RSPO2: variants seen among roughly 807,000 people sequenced by gnomAD.
RSPO2 encodes R-spondin-2.
Under a neutral mutation model 30.9 loss-of-function variants are expected in RSPO2, and 14 were observed. That is an observed-to-expected ratio of 0.45 (90% confidence interval 0.30 to 0.71). The LOEUF is 0.71. Ranked by LOEUF, RSPO2 falls within the 30% of genes least tolerant of loss-of-function variation. The probability of loss-of-function intolerance (pLI) is 0.08; values close to 1 mark genes in which losing one functional copy is unlikely to be tolerated. For synonymous variants in RSPO2, 107 were observed against 96.4 expected (o/e 1.11, Z -0.64); for missense variants, 264 against 301.9 (o/e 0.87, Z 0.93).
At chr8:108,043,741 G>A (rs1049789717) in intron 2 of RSPO2, among the ~76,000 whole-genome samples, 1 of 152,080 alleles carries the variant, frequency 6.6e-6, no homozygotes, top group Non-Finnish European at 1.5e-5. Context: ...CAGGCAAGAA[G>A]CAAAGGAATG....
chr8:108,017,111 G>A (rs1200401871), intron 2 of RSPO2, among the ~76,000 whole-genome samples: 1 of 151,568 alleles, frequency 6.6e-6, no homozygotes, highest in Non-Finnish European at 1.5e-5. Flanking sequence ...CCGCCTCCCA[G>A]GTTCACACCA....
intron 5 of RSPO2, among the ~76,000 whole-genome samples, chr8:107,909,206 G>A (rs1204417608): frequency 1.3e-5 from 2 of 151,410 alleles, no homozygotes; most frequent in African/African-American, 4.8e-5. Context: ...ATTAGAAGGG[G>A]AAACCTGTGC....
intron 2 of RSPO2, among the ~76,000 whole-genome samples, chr8:108,010,899 T>G (rs181063371): frequency 6.6e-6 from 1 of 151,832 alleles, no homozygotes; most frequent in East Asian, 1.9e-4. Flanking sequence ...AAGACCAAGA[T>G]AGAAACTAAT....
At chr8:108,027,942 A>T (rs1811277118) in intron 2 of RSPO2, among the ~76,000 whole-genome samples, 1 of 151,968 alleles carries the variant, frequency 6.6e-6, no homozygotes, top group Admixed American at 6.6e-5. Flanking sequence ...CAGCCTAGTG[A>T]CTCACCTCAG....
intron 5 of RSPO2, among the ~76,000 whole-genome samples, chr8:107,909,433 T>C (rs960728498): frequency 1.3e-5 from 2 of 152,068 alleles, no homozygotes; most frequent in African/African-American, 2.4e-5. Context: ...TGGATACTTT[T>C]TGTATTTTTA....
chr8:108,010,910 T>A lies in RSPO2; in HGVS notation c.95-21666A>T, dbSNP rs1002115504. On this transcript the variant is annotated intron_variant, in intron 2 of 5. Coordinates refer to ENST00000276659, the MANE Select transcript of RSPO2 (RefSeq NM_178565.5). ...AAGAAAGACCAAGATAGAAACTAAT[T>A]CAAGTGTAGAATGTAAAGTGCCAGC... Among the ~76,000 whole-genome samples, 3 of 151,628 alleles carry A rather than the reference T, an allele frequency of 2.0e-5. No homozygotes were observed. In the East Asian group the frequency reaches 5.8e-4, roughly 29 times the overall value.
chr8:108,021,427 T>C (rs986622175), intron 2 of RSPO2, among the ~76,000 whole-genome samples: 2 of 152,190 alleles, frequency 1.3e-5, no homozygotes, highest in African/African-American at 4.8e-5. Context: ...TTTAGTATAG[T>C]AGTCCTTCCT....
rs918935388 is a variant in RSPO2 at position 108,083,417 on chromosome 8, C to T, written c.-390G>A. ...GCCACTGGGATGCTCCGTCCCCGCC[C>T]GCGAGCGCGGTCCCCAGGCAAGGGG... On this transcript the variant is annotated 5_prime_UTR_variant, in exon 1 of 6. Transcript: ENST00000276659. The T allele has an allele frequency of 6.6e-6, 1 of 152,270 alleles. No homozygotes were observed. The highest frequency in any genetic ancestry group is 1.5e-5 in the Non-Finnish European group (1 of 68,078). The allele number at this position is 152,270 out of a possible 1,614,324, so 9.4% of individuals were successfully genotyped here. A position where few individuals can be genotyped will look rare whatever the true frequency, so the allele number is the denominator to read the frequency against.
chr8:108,050,946 G>A (rs1812061931), intron 2 of RSPO2, among the ~76,000 whole-genome samples: 1 of 152,104 alleles, frequency 6.6e-6, no homozygotes, highest in South Asian at 2.1e-4. Flanking sequence ...TTTCTTCCTA[G>A]GAGATTAATT....
At position 108,049,074 on chromosome 8, in the gene RSPO2, G is replaced by T. The variant is rs374074854; in HGVS notation, c.94+33471C>A. 3.9e-5 allele frequency among the ~76,000 whole-genome samples: 6 copies of T among 151,938 alleles called. No homozygotes were observed. In the East Asian group the frequency reaches 5.9e-4, roughly 15 times the overall value. On this transcript the variant is annotated intron_variant, in intron 2 of 5. Coordinates refer to ENST00000276659, the MANE Select transcript of RSPO2 (RefSeq NM_178565.5). ...TCTGTTCTTTTACATTTGCTGAGAA[G>T]TACTTTACTTCTGAGGCCTGTCGGA...
intron 3 of RSPO2, among the ~76,000 whole-genome samples, chr8:107,980,065 T>C (rs530259453): frequency 6.6e-6 from 1 of 152,298 alleles, no homozygotes; most frequent in African/African-American, 2.4e-5. Context: ...ACCCTCTTAC[T>C]CTTACTCACC....
At chr8:108,041,719 C>A (rs1811763069) in intron 2 of RSPO2, among the ~76,000 whole-genome samples, 1 of 151,942 alleles carries the variant, frequency 6.6e-6, no homozygotes, top group African/African-American at 2.4e-5. Flanking sequence ...TACAGAAAAC[C>A]ATTTGGAAGA....
At chr8:108,060,664 A>G (rs1007527528) in intron 2 of RSPO2, among the ~76,000 whole-genome samples, 2 of 151,802 alleles carry the variant, frequency 1.3e-5, no homozygotes, top group East Asian at 1.9e-4. Flanking sequence ...CCAACATTCA[A>G]ATTCAGGAAA....
chr8:107,970,206 C>T lies in RSPO2; in HGVS notation c.284-9389G>A, dbSNP rs140176096. ...AGCCACAGACAATATGTAAATGATT[C>T]AACATGGATGTTTTCCAAAAAAACT... On this transcript the variant is annotated intron_variant, in intron 3 of 5. Transcript: ENST00000276659. Among the ~76,000 whole-genome samples, 1,160 of 152,222 alleles carry T rather than the reference C, an allele frequency of 7.6e-3. 8 individuals carry two copies. Among genetic ancestry groups the T allele is most frequent in the Admixed American group, 0.012 (182 of 15,276 alleles).
chr8:108,062,797 A>C (rs542829430), intron 2 of RSPO2, among the ~76,000 whole-genome samples: 1 of 151,914 alleles, frequency 6.6e-6, no homozygotes, highest in African/African-American at 2.4e-5. Context: ...ATACTGGCAA[A>C]CTGAATCCAG....
intron 2 of RSPO2, among the ~76,000 whole-genome samples, chr8:108,079,608 T>C (rs1459834449): frequency 6.6e-6 from 1 of 151,798 alleles, no homozygotes; most frequent in Non-Finnish European, 1.5e-5. Flanking sequence ...TTATGGAGCA[T>C]GTGAGATCAT....
At chr8:107,983,875 A>G (rs1814535135) in intron 3 of RSPO2, 1 of 1,497,074 alleles carries the variant, frequency 6.7e-7, no homozygotes, top group Non-Finnish European at 9.3e-7. Flanking sequence ...GGGAAAGCCA[A>G]GGACATTCCT....
At position 108,082,702 on chromosome 8, in the gene RSPO2, A is replaced by G; in HGVS notation, c.-64T>C. On this transcript the variant is annotated 5_prime_UTR_variant, in exon 2 of 6. Coordinates refer to ENST00000276659, the MANE Select transcript of RSPO2 (RefSeq NM_178565.5). The stretch of plus-strand genomic sequence containing the variant: ...TAGGAACTGGAGGGTTCGCCCAAAG[A>G]GCCGGCGCCGGCCGCGCTGCTGGGG... 1 of 1,427,092 alleles carries G rather than the reference A, an allele frequency of 7.0e-7. No homozygotes were observed. Among genetic ancestry groups the G allele is most frequent in the Non-Finnish European group, 9.8e-7 (1 of 1,019,662 alleles). 88.4% of individuals were successfully genotyped at this position (1,427,092 alleles called of 1,614,324 possible).
intron 2 of RSPO2, among the ~76,000 whole-genome samples, chr8:108,016,593 C>T (rs927519412): frequency 3.3e-5 from 5 of 152,120 alleles, no homozygotes; most frequent in African/African-American, 7.2e-5. Flanking sequence ...GGAAATGTAA[C>T]CAATATTTAA....
Sources: gnomAD v4.1 joint callset for allele counts (sites outside exome capture counted in the v4.1 genomes callset) on GRCh38, gnomAD v4.1.1 for gene constraint, MANE v1.5 for transcripts, NCBI Gene and HGNC (gene_info 2026-07-23, HGNC 2026-07-21) for gene names.